DLGAP1: variants seen among roughly 807,000 people sequenced by gnomAD.
The protein encoded by DLGAP1 is DLG associated protein 1.
Under a neutral mutation model 90.8 loss-of-function variants are expected in DLGAP1, and 11 were observed. That is an observed-to-expected ratio of 0.12 (90% CI 0.08 to 0.20). The LOEUF is 0.20. DLGAP1 is among the 10% of genes least tolerant of loss of function. The pLI, the probability that DLGAP1 is intolerant of heterozygous loss-of-function variation, is 1.00. For missense variants in DLGAP1, 1,050 were observed against 1,333.8 expected (o/e 0.79, Z 3.31); for synonymous variants, 558 against 540.7 (o/e 1.03, Z -0.44).
At chr18:3,676,004 T>G (rs557367724) in intron 7 of DLGAP1, among the ~76,000 whole-genome samples, 155 of 152,314 alleles carry the variant, frequency 1.0e-3, no homozygotes, top group Admixed American at 3.5e-3. Flanking sequence ...TTCCTTTGAA[T>G]GAAAAGCAGC....
At chr18:4,005,789 C>T (rs2074289445) in intron 2 of DLGAP1, among the ~76,000 whole-genome samples, 1 of 152,216 alleles carries the variant, frequency 6.6e-6, no homozygotes, top group Non-Finnish European at 1.5e-5. Flanking sequence ...GCTTCAAAAT[C>T]CAGTTTCTCA....
intron 1 of DLGAP1, among the ~76,000 whole-genome samples, chr18:4,175,732 G>T (rs1178454508): frequency 3.3e-5 from 5 of 152,116 alleles, no homozygotes; most frequent in African/African-American, 1.2e-4. Flanking sequence ...GTTTATAGAT[G>T]TGTGGTGTTA....
intron 1 of DLGAP1, among the ~76,000 whole-genome samples, chr18:4,385,162 A>G (rs545439058): frequency 4.3e-4 from 66 of 152,126 alleles, no homozygotes; most frequent in Non-Finnish European, 8.2e-4. Flanking sequence ...ACTAACAGCT[A>G]CTCCCTTAAT....
intron 7 of DLGAP1, among the ~76,000 whole-genome samples, chr18:3,689,483 T>C (rs750969720): frequency 2.6e-5 from 4 of 152,204 alleles, no homozygotes; most frequent in Non-Finnish European, 5.9e-5. Flanking sequence ...ACAAACGGTA[T>C]CATTGTATCC....
chr18:4,021,064 C>T (rs748680972), intron 2 of DLGAP1, among the ~76,000 whole-genome samples: 10 of 152,156 alleles, frequency 6.6e-5, no homozygotes, highest in Non-Finnish European at 1.2e-4. Context: ...TCAGCACTCC[C>T]CACTTCCTGA....
intron 7 of DLGAP1, among the ~76,000 whole-genome samples, chr18:3,582,718 T>G (rs1315002134): frequency 6.6e-6 from 1 of 152,104 alleles, no homozygotes; most frequent in African/African-American, 2.4e-5. Flanking sequence ...GCAAAGAGGT[T>G]GTGAGGATGC....
Position 4,084,268 on chromosome 18 carries a change from T to C in DLGAP1, c.-159+66912A>G, listed in dbSNP as rs1362459792. Among the ~76,000 whole-genome samples, 1 of 152,066 alleles carries C rather than the reference T, an allele frequency of 6.6e-6. No individual in the cohort carries two copies. Among genetic ancestry groups the C allele is most frequent in the Non-Finnish European group, 1.5e-5 (1 of 68,010 alleles). On this transcript the variant is annotated intron_variant, in intron 2 of 12. Transcript: ENST00000315677. This position sits in a 1 kb window ranked among gnomAD's most constrained non-coding sequence, Gnocchi z 4.0. ...ACGATTTGAATTTGAATCCTGTAGG[T>C]TTTTCTCTTTTAATTTAACTATACT...
At chr18:4,264,312 T>C (rs1335322131) in intron 1 of DLGAP1, among the ~76,000 whole-genome samples, 1 of 152,240 alleles carries the variant, frequency 6.6e-6, no homozygotes, top group Admixed American at 6.5e-5. Flanking sequence ...AGCAGATGTA[T>C]GTGCTAGCTT....
intron 7 of DLGAP1, among the ~76,000 whole-genome samples, chr18:3,714,740 T>A (rs2061707691): frequency 6.7e-6 from 1 of 149,994 alleles, no homozygotes; most frequent in African/African-American, 2.5e-5. Flanking sequence ...TTCAAGAGAT[T>A]CTCCTGCCTC....
intron 4 of DLGAP1, chr18:3,822,080 T>A (rs1157891757): frequency 1.3e-6 from 1 of 746,404 alleles, no homozygotes; most frequent in South Asian, 6.1e-5. Flanking sequence ...AATGTGCAGA[T>A]CCCTAGGCAT....
At chr18:3,532,275 C>A (rs117361879) in intron 10 of DLGAP1, among the ~76,000 whole-genome samples, 5,582 of 152,068 alleles carry the variant, frequency 0.037, 126 homozygotes, top group Non-Finnish European at 0.056. Flanking sequence ...TACTTTTGTG[C>A]ATGTTTAAAA....
chr18:3,651,864 G>A lies in DLGAP1; in HGVS notation c.1592-69616C>T, dbSNP rs534853397. On this transcript the variant is annotated intron_variant, in intron 7 of 12. Transcript: ENST00000315677. The stretch of plus-strand genomic sequence containing the variant: ...CGGGCACCTGTAATCCCAGCTACTC[G>A]GGAGGCTGAGGCAGGAGAATCACTT... 6.0e-3 allele frequency among the ~76,000 whole-genome samples: 896 copies of A among 149,778 alleles called. 12 individuals carry two copies. Among genetic ancestry groups the A allele is most frequent in the African/African-American group, 0.021 (859 of 40,610 alleles).
chr18:4,015,286 A>T (rs1350454652), intron 2 of DLGAP1, among the ~76,000 whole-genome samples: 1 of 152,170 alleles, frequency 6.6e-6, no homozygotes, highest in Non-Finnish European at 1.5e-5. Context: ...AGTTTTTGCC[A>T]TCTCTAATCA....
At chr18:4,075,280 G>A (rs932698165) in intron 2 of DLGAP1, among the ~76,000 whole-genome samples, 3 of 152,062 alleles carry the variant, frequency 2.0e-5, no homozygotes, top group African/African-American at 7.2e-5. Context: ...ACTTTAATAC[G>A]ATAGCTAGTT....
At chr18:4,352,709 C>T (rs953293114) in intron 1 of DLGAP1, among the ~76,000 whole-genome samples, 1 of 152,106 alleles carries the variant, frequency 6.6e-6, no homozygotes, top group Admixed American at 6.5e-5. Context: ...AGGACAACCA[C>T]AATGCAGAAT....
intron 3 of DLGAP1, among the ~76,000 whole-genome samples, chr18:3,941,916 A>G (rs950754376): frequency 1.3e-5 from 2 of 152,104 alleles, no homozygotes; most frequent in Admixed American, 6.6e-5. Flanking sequence ...GCCTCACTAC[A>G]TTGCCCAGGC....
chr18:3,581,563 C>A (rs1246529213), intron 8 of DLGAP1, among the ~76,000 whole-genome samples: 1 of 151,504 alleles, frequency 6.6e-6, no homozygotes, highest in Non-Finnish European at 1.5e-5. Context: ...TGCTCTCGTG[C>A]CATTTGAGAG....
At chr18:4,426,662 T>C (rs1343450978) in intron 1 of DLGAP1, among the ~76,000 whole-genome samples, 2 of 152,186 alleles carry the variant, frequency 1.3e-5, no homozygotes, top group African/African-American at 4.8e-5. Context: ...TACTACACTA[T>C]AGGTTATTCT....
intron 7 of DLGAP1, among the ~76,000 whole-genome samples, chr18:3,592,175 C>T (rs1382071520): frequency 6.6e-6 from 1 of 152,216 alleles, no homozygotes; most frequent in African/African-American, 2.4e-5. Context: ...TCCAACGAGG[C>T]TGTCTGGTAG....
Sources: gnomAD v4.1 joint callset for allele counts (sites outside exome capture counted in the v4.1 genomes callset) on GRCh38, gnomAD v4.1.1 for gene constraint, Gnocchi (gnomAD v3.1) non-coding constraint, MANE v1.5 for transcripts, NCBI Gene and HGNC (gene_info 2026-07-23, HGNC 2026-07-21) for gene names.